The following OSBP2 variants were observed in gnomAD, a reference collection of about 807,000 sequenced individuals.
OSBP2 encodes the protein oxysterol binding protein 2.
Under a neutral mutation model 96.0 loss-of-function variants are expected in OSBP2, and 66 were observed. That is an observed-to-expected ratio of 0.69 (90% CI 0.56 to 0.84). OSBP2 has a LOEUF of 0.84. Ranked by LOEUF, OSBP2 falls within the 40% of genes least tolerant of loss-of-function variation. OSBP2 has a pLI of 0.00. For synonymous variants in OSBP2, 525 were observed against 520.9 expected (o/e 1.01, Z -0.11); for missense variants, 1,038 against 1,222.7 (o/e 0.85, Z 2.25).
intron 2 of OSBP2, among the ~76,000 whole-genome samples, chr22:30,849,118 A>T (rs2038927717): frequency 6.6e-6 from 1 of 152,066 alleles, no homozygotes; most frequent in Non-Finnish European, 1.5e-5. Flanking sequence ...AAATTTAAAA[A>T]TTAGCCAGGC....
At chr22:30,693,929 C>T, upstream of OSBP2, 1 of 776,358 alleles carries the variant, frequency 1.3e-6, no homozygotes. Flanking sequence ...CACGCCACTG[C>T]ATTCCAGCCT....
chr22:30,901,203 G>A (rs2040185867), intron 12 of OSBP2, among the ~76,000 whole-genome samples: 1 of 152,006 alleles, frequency 6.6e-6, no homozygotes, highest in African/African-American at 2.4e-5. Context: ...TGAGGAGCTG[G>A]GATTACAGGT....
intron 1 of OSBP2, among the ~76,000 whole-genome samples, chr22:30,709,755 T>C (rs2089316505): frequency 6.6e-6 from 1 of 152,104 alleles, no homozygotes; most frequent in African/African-American, 2.4e-5. Context: ...CAGGCTGGTT[T>C]GTGAACTCCT....
intron 12 of OSBP2, chr22:30,902,638 A>G: frequency 1.6e-6 from 1 of 621,798 alleles, no homozygotes; most frequent in South Asian, 1.7e-5. Context: ...AAGAACCGAC[A>G]GAGGAGGGAA....
intron 2 of OSBP2, among the ~76,000 whole-genome samples, chr22:30,843,957 T>G (rs2038814089): frequency 6.6e-6 from 1 of 151,816 alleles, no homozygotes; most frequent in Admixed American, 6.6e-5. Context: ...CACTGGAGAC[T>G]TCACCTTCCT....
intron 9 of OSBP2, 56 bp downstream of exon 9, chr22:30,893,298 G>T: frequency 6.2e-7 from 1 of 1,611,044 alleles, no homozygotes; most frequent in South Asian, 1.1e-5. Context: ...ATAAGAGGGA[G>T]GATTCTGGTG....
At position 30,695,447 on chromosome 22, in the gene OSBP2, C is replaced by A. The variant is rs1372084499; in HGVS notation, c.538C>A (p.Leu180Met). The A allele has an allele frequency of 3.1e-6, 5 of 1,613,600 alleles. No homozygotes were observed. Among genetic ancestry groups the A allele is most frequent in the Non-Finnish European group, 4.2e-6 (5 of 1,180,050 alleles). Residue 180 changes from leucine (L) to methionine (M), a missense_variant, in exon 1 of 14, where the codon CTG (leucine) becomes ATG (methionine). This residue lies in a region of OSBP2 where 281 missense variants were observed against 273.4 expected (regional missense o/e 1.03). Coordinates refer to ENST00000332585, the MANE Select transcript of OSBP2 (RefSeq NM_030758.4). ...GACCTCCAGTGCCCCACTGGCCTTA[C>A]TGCCTCTGGACAGCTTCGAGGGCTG... ...GTTSSAPLALLPLDSFEGWLL... is the reference protein window; with the variant it reads ...GTTSSAPLALMPLDSFEGWLL...
At chr22:30,860,969 C>T (rs2147086063) in intron 2 of OSBP2, among the ~76,000 whole-genome samples, 1 of 152,308 alleles carries the variant, frequency 6.6e-6, no homozygotes, top group African/African-American at 2.4e-5. Flanking sequence ...CTCTAGGTCA[C>T]AGCCCTCTTC....
chr22:30,777,576 A>G (rs1189369445), intron 2 of OSBP2, among the ~76,000 whole-genome samples: 1 of 152,194 alleles, frequency 6.6e-6, no homozygotes, highest in African/African-American at 2.4e-5. Context: ...ATGGACTAAT[A>G]CAACTACTCT....
At chr22:30,813,171 C>CTTTTTT (rs911860511) in intron 2 of OSBP2, among the ~76,000 whole-genome samples, 1 of 78,588 alleles carries the variant, frequency 1.3e-5, no homozygotes, top group Non-Finnish European at 2.5e-5. Flanking sequence ...ATGTTGCATT[C>CTTTTTT]TTTTTTTTTT....
upstream of OSBP2, chr22:30,694,247 G>A: frequency 1.3e-6 from 2 of 1,549,870 alleles, no homozygotes; most frequent in South Asian, 1.2e-5. Flanking sequence ...GAAGCGCCTT[G>A]GCATGAACCG....
At chr22:30,854,929 T>C (rs143495375) in intron 2 of OSBP2, among the ~76,000 whole-genome samples, 2,549 of 152,214 alleles carry the variant, frequency 0.017, 39 homozygotes, top group Non-Finnish European at 0.023. Flanking sequence ...AACATGTCCT[T>C]CTTCACATGG....
rs866742248 is a variant in OSBP2 at position 30,870,603 on chromosome 22, C to T, written c.1028C>T (p.Pro343Leu). 11 of 1,613,908 alleles carry T rather than the reference C, an allele frequency of 6.8e-6. No homozygotes were observed. In the African/African-American group the frequency reaches 1.5e-4, roughly 22 times the overall value. The change falls in exon 3 of 14, where the codon CCA (proline) becomes CTA (leucine). Residue 343 changes from proline (P) to leucine (L), a missense_variant. Coordinates refer to ENST00000332585, the MANE Select transcript of OSBP2 (RefSeq NM_030758.4). The surrounding 1 kb of genome is among the most constrained non-coding windows in gnomAD (Gnocchi z 4.1). ...ACAGAGCTGGACGGCCTCAAGATCCCATCTGAGAGTGGGGAGAAGCTGAAG... is the reference window on the plus strand; with the variant it reads ...ACAGAGCTGGACGGCCTCAAGATCCTATCTGAGAGTGGGGAGAAGCTGAAG... ...SLTELDGLKI[P>L]SESGEKLKVV... is the part of the protein sequence containing the mutation.
chr22:30,733,164 C>T (rs537303230), intron 1 of OSBP2, among the ~76,000 whole-genome samples: 9 of 152,290 alleles, frequency 5.9e-5, no homozygotes, highest in African/African-American at 1.7e-4. Flanking sequence ...AGGAGGGTTC[C>T]GTGTTGGTTT....
At chr22:30,715,287 A>G (rs917298035) in intron 1 of OSBP2, among the ~76,000 whole-genome samples, 1 of 151,496 alleles carries the variant, frequency 6.6e-6, no homozygotes, top group African/African-American at 2.4e-5. Context: ...GATAGTAGCC[A>G]TCCTAATGGA....
chr22:30,715,481 A>T (rs772427807), intron 1 of OSBP2, among the ~76,000 whole-genome samples: 19 of 149,406 alleles, frequency 1.3e-4, no homozygotes, highest in Non-Finnish European at 2.2e-4. Context: ...GGCTCAAGTG[A>T]TCCTCCCACC....
intron 2 of OSBP2, among the ~76,000 whole-genome samples, chr22:30,812,246 A>T (rs1426215641): frequency 6.6e-6 from 1 of 151,974 alleles, no homozygotes; most frequent in Non-Finnish European, 1.5e-5. Context: ...GCTCACTGCA[A>T]CCTCCTGCTT....
At chr22:30,775,408 G>A (rs181308617) in intron 2 of OSBP2, among the ~76,000 whole-genome samples, 1 of 151,364 alleles carries the variant, frequency 6.6e-6, no homozygotes, top group East Asian at 1.9e-4. Flanking sequence ...AGGAGTTTGA[G>A]ACCAGCCTGG....
At chr22:30,746,423 C>CA (rs140875613) in intron 2 of OSBP2, among the ~76,000 whole-genome samples, 88 of 118,648 alleles carry the variant, frequency 7.4e-4, no homozygotes, top group African/African-American at 8.3e-4. Flanking sequence ...GACCCTGTCT[C>CA]AAAAAAAAAA....
Sources: gnomAD v4.1 joint callset for allele counts (sites outside exome capture counted in the v4.1 genomes callset) on GRCh38, gnomAD v4.1.1 for gene constraint, gnomAD v4.1.1 regional missense constraint, Gnocchi (gnomAD v3.1) non-coding constraint, MANE v1.5 for transcripts, NCBI Gene and HGNC (gene_info 2026-07-23, HGNC 2026-07-21) for gene names.